The following CNTN4 variants were observed in gnomAD, a reference collection of about 807,000 sequenced individuals.
The protein encoded by CNTN4 is contactin-4.
A neutral mutation model predicts 122.5 loss-of-function variants in CNTN4; 77 were observed. The observed-to-expected ratio is 0.63, with a 90% CI of 0.52 to 0.76. The LOEUF (loss-of-function observed/expected upper bound fraction) is 0.76, where lower values mean the gene tolerates loss of function less well. CNTN4 is among the 30% of genes least tolerant of loss of function. The pLI is 0.00. For missense variants in CNTN4, 1,256 were observed against 1,259.1 expected (o/e 1.00, Z 0.04); for synonymous variants, 512 against 447.0 (o/e 1.15, Z -1.83).
Position 2,961,136 on chromosome 3 carries a change from A to G in CNTN4, c.1359-27209A>G, listed in dbSNP as rs368008750. Among the ~76,000 whole-genome samples, 306 of 140,210 alleles carry G rather than the reference A, an allele frequency of 2.2e-3. 22 individuals carry two copies. In the East Asian group the frequency reaches 0.025, roughly 11 times the overall value. 92.0% of individuals were successfully genotyped at this position (140,210 alleles called of 152,430 possible). ...TCCCAGCTACTCGGGAGGCTGAGGC[A>G]GGAGAATGGCGTGAACCCGGGAGGC... On this transcript the variant is annotated intron_variant, in intron 13 of 24. Coordinates refer to ENST00000418658, the MANE Select transcript of CNTN4 (RefSeq NM_175607.3).
At chr3:2,378,213 G>A (rs1035032578) in intron 3 of CNTN4, among the ~76,000 whole-genome samples, 43 of 152,300 alleles carry the variant, frequency 2.8e-4, no homozygotes, top group African/African-American at 8.7e-4. Context: ...ATCCTGGGTG[G>A]TTTCATGTGC....
chr3:2,684,857 G>C (rs2085350011), intron 4 of CNTN4, among the ~76,000 whole-genome samples: 1 of 152,110 alleles, frequency 6.6e-6, no homozygotes, highest in South Asian at 2.1e-4. Context: ...AAAGGAATCG[G>C]GAGTGCTCAA....
intron 4 of CNTN4, among the ~76,000 whole-genome samples, chr3:2,660,154 C>G (rs2083808930): frequency 6.6e-6 from 1 of 152,012 alleles, no homozygotes; most frequent in African/African-American, 2.4e-5. Context: ...CATCCAACAT[C>G]CTGAAAACTG....
At chr3:2,515,764 C>T (rs1035360182) in intron 3 of CNTN4, among the ~76,000 whole-genome samples, 1 of 152,038 alleles carries the variant, frequency 6.6e-6, no homozygotes, top group Non-Finnish European at 1.5e-5. Flanking sequence ...ATCTTTACTG[C>T]AGATACTGGA....
At chr3:2,608,882 G>A (rs1489684960) in intron 4 of CNTN4, among the ~76,000 whole-genome samples, 2 of 152,222 alleles carry the variant, frequency 1.3e-5, no homozygotes, top group East Asian at 1.9e-4. Flanking sequence ...TTCCACTACT[G>A]GGAGATTTCA....
chr3:2,607,701 C>A (rs2149797250), intron 4 of CNTN4, among the ~76,000 whole-genome samples: 1 of 150,024 alleles, frequency 6.7e-6, no homozygotes, highest in Admixed American at 6.7e-5. Flanking sequence ...TGAATAAAAG[C>A]AGGTAGAAGA....
At chr3:2,860,811 T>A (rs778722337) in intron 7 of CNTN4, among the ~76,000 whole-genome samples, 1 of 152,206 alleles carries the variant, frequency 6.6e-6, no homozygotes. Flanking sequence ...TTGAGAGAGC[T>A]CTTTCATATG....
At chr3:2,255,990 A>G (rs967146373) in intron 2 of CNTN4, among the ~76,000 whole-genome samples, 17 of 152,298 alleles carry the variant, frequency 1.1e-4, no homozygotes, top group African/African-American at 2.4e-4. Flanking sequence ...AAAAAAATCA[A>G]TGAATCCAGG....
intron 3 of CNTN4, among the ~76,000 whole-genome samples, chr3:2,346,362 A>G (rs368614224): frequency 1.3e-4 from 20 of 152,142 alleles, no homozygotes; most frequent in African/African-American, 4.6e-4. Flanking sequence ...TTTTAGCTCA[A>G]CTTTTTCTTC....
rs571138752 is a variant in CNTN4 at position 2,720,363 on chromosome 3, C to G, written c.56-15852C>G. The stretch of plus-strand genomic sequence containing the variant: ...TCCAGCCCTGTCTGAAGGTGGCTTT[C>G]TTTTATAGTCTAAACTATTCTGAGC... On this transcript the variant is annotated intron_variant, in intron 4 of 24. Transcript: ENST00000418658. 3.3e-5 allele frequency among the ~76,000 whole-genome samples: 5 copies of G among 152,214 alleles called. No homozygotes were observed. In the South Asian group the frequency reaches 1.0e-3, roughly 32 times the overall value.
chr3:2,759,519 T>TC (rs1475416373), intron 6 of CNTN4, among the ~76,000 whole-genome samples: 1 of 152,218 alleles, frequency 6.6e-6, no homozygotes, highest in East Asian at 1.9e-4. Context: ...TACCCATTCA[T>TC]CAGTTGATGG....
intron 3 of CNTN4, among the ~76,000 whole-genome samples, chr3:2,397,314 G>A (rs550453853): frequency 6.6e-6 from 1 of 152,156 alleles, no homozygotes; most frequent in Admixed American, 6.5e-5. Context: ...TTAATTTTTT[G>A]TTTGTTTGTT....
At chr3:2,613,608 G>C (rs1020446967) in intron 4 of CNTN4, among the ~76,000 whole-genome samples, 1 of 152,056 alleles carries the variant, frequency 6.6e-6, no homozygotes, top group African/African-American at 2.4e-5. Context: ...GCAATATAAG[G>C]ACTTTTTGTA....
intron 3 of CNTN4, among the ~76,000 whole-genome samples, chr3:2,484,173 TACAC>T (rs763610346): frequency 4.6e-5 from 7 of 151,994 alleles, no homozygotes; most frequent in Non-Finnish European, 8.8e-5. Context: ...TTGAAAAAAA[TACAC>T]AGACAGCAAA....
At chr3:2,749,281 C>T (rs1004294071) in intron 6 of CNTN4, among the ~76,000 whole-genome samples, 1 of 151,952 alleles carries the variant, frequency 6.6e-6, no homozygotes, top group Non-Finnish European at 1.5e-5. Flanking sequence ...CTGCCTCAGC[C>T]TCCAAAGTAG....
intron 6 of CNTN4, among the ~76,000 whole-genome samples, chr3:2,787,311 G>C (rs2091867121): frequency 6.6e-6 from 1 of 151,266 alleles, no homozygotes; most frequent in Non-Finnish European, 1.5e-5. Context: ...AGGAGGTGGA[G>C]GTTGCAGTGA....
intron 3 of CNTN4, among the ~76,000 whole-genome samples, chr3:2,357,709 G>A (rs1233173699): frequency 1.3e-5 from 2 of 152,200 alleles, no homozygotes; most frequent in African/African-American, 2.4e-5. Flanking sequence ...CCTTTCCAGT[G>A]AGCAGTCTGT....
chr3:3,042,766 G>A (rs1039772685), intron 21 of CNTN4: 57 of 608,364 alleles, frequency 9.4e-5, no homozygotes, highest in Admixed American at 2.4e-4. Context: ...TCAATGTACC[G>A]TCTCACTAGG....
intron 23 of CNTN4, among the ~76,000 whole-genome samples, chr3:3,047,439 A>G (rs1008030131): frequency 6.6e-6 from 1 of 152,176 alleles, no homozygotes; most frequent in African/African-American, 2.4e-5. Context: ...CTCAGACCAC[A>G]GTGCGATCAA....
Sources: allele counts gnomAD v4.1 joint callset (sites outside exome capture counted in the v4.1 genomes callset), GRCh38; gene constraint gnomAD v4.1.1; transcripts MANE v1.5; gene names NCBI Gene and HGNC (gene_info 2026-07-23, HGNC 2026-07-21).